The following PTPRD variants were observed in gnomAD, a reference collection of about 807,000 sequenced individuals.
PTPRD encodes receptor-type tyrosine-protein phosphatase delta.
In PTPRD, 34 loss-of-function variants were observed where a neutral mutation model predicts 214.5. The ratio of observed to expected loss-of-function variants is 0.16; its 90% CI spans 0.12 to 0.21. PTPRD has a LOEUF of 0.21. Among genes scored for constraint, PTPRD ranks in the 10% least tolerant of loss-of-function variants. PTPRD has a pLI of 1.00. For synonymous variants in PTPRD, 1,128 were observed against 845.7 expected (o/e 1.33, Z -5.79); for missense variants, 2,545 against 2,398.7 (o/e 1.06, Z -1.27).
intron 5 of PTPRD, among the ~76,000 whole-genome samples, chr9:9,847,824 G>T (rs928572224): frequency 6.6e-6 from 1 of 152,010 alleles, no homozygotes; most frequent in Non-Finnish European, 1.5e-5. Flanking sequence ...CCTCAGGCTG[G>T]GAAATGAAAG....
chr9:10,470,449 C>A (rs1027772470), intron 2 of PTPRD, among the ~76,000 whole-genome samples: 3 of 152,000 alleles, frequency 2.0e-5, no homozygotes, highest in Non-Finnish European at 2.9e-5. Flanking sequence ...CTGATGCAAT[C>A]TATATAAAAT....
At chr9:10,280,676 A>T (rs1237907182) in intron 3 of PTPRD, among the ~76,000 whole-genome samples, 1 of 152,094 alleles carries the variant, frequency 6.6e-6, no homozygotes, top group African/African-American at 2.4e-5. Flanking sequence ...CAATCAGATC[A>T]TATAGCTTGC....
chr9:10,134,768 C>G (rs142947497), intron 3 of PTPRD, among the ~76,000 whole-genome samples: 39 of 152,246 alleles, frequency 2.6e-4, no homozygotes, highest in Non-Finnish European at 5.0e-4. Flanking sequence ...GCATCCTTCT[C>G]AGATGAGGAA....
intron 11 of PTPRD, among the ~76,000 whole-genome samples, chr9:8,787,653 T>C (rs2096045937): frequency 6.6e-6 from 1 of 151,958 alleles, no homozygotes; most frequent in Non-Finnish European, 1.5e-5. Flanking sequence ...GGAGAGAAGA[T>C]TAGAGGGGAG....
At chr9:9,909,746 T>G (rs1401809818) in intron 5 of PTPRD, among the ~76,000 whole-genome samples, 2 of 151,652 alleles carry the variant, frequency 1.3e-5, no homozygotes, top group Non-Finnish European at 2.9e-5. Context: ...TACAGACATG[T>G]GAGCCTTTGG....
intron 11 of PTPRD, among the ~76,000 whole-genome samples, chr9:8,759,783 T>C (rs1044643079): frequency 1.3e-5 from 2 of 152,200 alleles, no homozygotes; most frequent in Admixed American, 6.5e-5. Flanking sequence ...CTCCTGGTCC[T>C]ATAATAAATC....
At chr9:9,103,897 G>A (rs936728641) in intron 10 of PTPRD, among the ~76,000 whole-genome samples, 2 of 152,088 alleles carry the variant, frequency 1.3e-5, no homozygotes, top group African/African-American at 2.4e-5. Flanking sequence ...TGAGAAGATC[G>A]CTGGAGCCTT....
chr9:9,183,325 GT>G lies in PTPRD; in HGVS notation c.-165del, dbSNP rs2099929334. ...TCACCTTGAGTTAGCCACCGTCGGTGTTTTCAGACACAGTCCCTGGCCTCAA... is the reference window on the plus strand; with the variant it reads ...TCACCTTGAGTTAGCCACCGTCGGTGTTTCAGACACAGTCCCTGGCCTCAA... On this transcript the variant is annotated 5_prime_UTR_variant, in exon 10 of 46. Coordinates refer to ENST00000381196, the MANE Select transcript of PTPRD (RefSeq NM_002839.4). The G allele has an allele frequency of 6.6e-6, 1 of 151,930 alleles. No individual in the cohort carries two copies. The highest frequency in any genetic ancestry group is 2.1e-4 in the South Asian group (1 of 4,818). 9.4% of individuals were successfully genotyped at this position (151,930 alleles called of 1,614,324 possible).
At chr9:9,046,230 G>C (rs10816038) in intron 10 of PTPRD, among the ~76,000 whole-genome samples, 22,280 of 152,084 alleles carry the variant, frequency 0.15, 2,074 homozygotes, top group East Asian at 0.43. Flanking sequence ...ATAATTAGAA[G>C]TTTTATAAAG....
At chr9:8,627,363 C>T (rs1282851372) in intron 14 of PTPRD, among the ~76,000 whole-genome samples, 1 of 151,852 alleles carries the variant, frequency 6.6e-6, no homozygotes, top group Non-Finnish European at 1.5e-5. Context: ...ATGTCAAACT[C>T]TCTGGACCTT....
intron 12 of PTPRD, among the ~76,000 whole-genome samples, chr9:8,684,079 G>C (rs1218952178): frequency 6.6e-6 from 1 of 151,988 alleles, no homozygotes; most frequent in Non-Finnish European, 1.5e-5. Flanking sequence ...CTAAGATATG[G>C]TGGAGCAGCG....
intron 9 of PTPRD, among the ~76,000 whole-genome samples, chr9:9,185,696 T>A (rs189388679): frequency 6.6e-6 from 1 of 152,160 alleles, no homozygotes; most frequent in Admixed American, 6.6e-5. Context: ...TTTAGATGAT[T>A]GCTGAATGGC....
Position 9,653,348 on chromosome 9 carries a change from C to CAAAAAAAAAA in PTPRD, c.-286-78577_-286-78568dup, listed in dbSNP as rs1175875551. ...TGGGCGACAGAGCGAGACTCCGTCT[C>CAAAAAAAAAA]AAAAAAAAAAAAAAAAAAAAAAAAA... is the stretch of plus-strand genomic sequence containing the variant. On this transcript the variant is annotated intron_variant, in intron 7 of 45. Coordinates refer to ENST00000381196, the MANE Select transcript of PTPRD (RefSeq NM_002839.4). Among the ~76,000 whole-genome samples the CAAAAAAAAAA allele has an allele frequency of 1.1e-3, 37 of 32,506 alleles. 4 individuals carry two copies. The highest frequency in any genetic ancestry group is 3.5e-3 in the East Asian group (1 of 286). The allele number at this position is 32,506 out of a possible 152,430, so 21.3% of individuals were successfully genotyped here.
intron 11 of PTPRD, among the ~76,000 whole-genome samples, chr9:8,955,877 A>T (rs879269251): frequency 1.3e-5 from 2 of 151,926 alleles, no homozygotes; most frequent in Non-Finnish European, 2.9e-5. Context: ...ACCTACATAT[A>T]GCATTCATTT....
At chr9:8,558,161 T>C (rs2084737577) in intron 14 of PTPRD, among the ~76,000 whole-genome samples, 1 of 152,132 alleles carries the variant, frequency 6.6e-6, no homozygotes. Flanking sequence ...CTACCTAGGT[T>C]TGACTGTTTT....
At chr9:8,903,206 C>G (rs1049026063) in intron 11 of PTPRD, among the ~76,000 whole-genome samples, 1 of 151,256 alleles carries the variant, frequency 6.6e-6, no homozygotes, top group Non-Finnish European at 1.5e-5. Flanking sequence ...CGTTTGTTAC[C>G]TGGGCATACT....
chr9:9,456,203 C>A (rs967523881), intron 8 of PTPRD, among the ~76,000 whole-genome samples: 2 of 151,750 alleles, frequency 1.3e-5, no homozygotes, highest in Non-Finnish European at 2.9e-5. Flanking sequence ...GAACATAACT[C>A]AGTTTTAATC....
rs1295484294 is a variant in PTPRD at position 8,957,234 on chromosome 9, T to A, written c.-104+61463A>T. Among the ~76,000 whole-genome samples the A allele has an allele frequency of 5.9e-5, 9 of 151,876 alleles. No individual in the cohort carries two copies. The East Asian group carries it at 1.7e-3, about 29-fold the overall frequency. ...TCATCCTTTTATTATCTAAATATAG[T>A]CCCCAAATTTTCTGGGGCTACCTAC... On this transcript the variant is annotated intron_variant, in intron 11 of 45. Coordinates refer to ENST00000381196, the MANE Select transcript of PTPRD (RefSeq NM_002839.4).
At chr9:9,091,504 T>G (rs2099775827) in intron 10 of PTPRD, among the ~76,000 whole-genome samples, 1 of 152,168 alleles carries the variant, frequency 6.6e-6, no homozygotes, top group African/African-American at 2.4e-5. Context: ...ATATGGACAT[T>G]TGTCCTACAG....
Sources: allele counts gnomAD v4.1 joint callset (sites outside exome capture counted in the v4.1 genomes callset), GRCh38; gene constraint gnomAD v4.1.1; transcripts MANE v1.5; gene names NCBI Gene and HGNC (gene_info 2026-07-23, HGNC 2026-07-21).